The following ARSF variants were observed in gnomAD, a reference collection of about 807,000 sequenced individuals.
The protein encoded by ARSF is arylsulfatase F.
A neutral mutation model predicts 35.4 loss-of-function variants in ARSF; 33 were observed. That is an observed-to-expected ratio of 0.93 (90% confidence interval 0.71 to 1.25). ARSF has a LOEUF of 1.25. Ranked by LOEUF, ARSF falls within the 50% of genes most tolerant of loss-of-function variation. The probability of loss-of-function intolerance (pLI) is 0.00; values close to 1 mark genes in which losing one functional copy is unlikely to be tolerated. For synonymous variants in ARSF, 222 were observed against 193.1 expected, an observed-to-expected ratio of 1.15 and a Z score of -1.24; for missense variants, 501 against 480.2, an observed-to-expected ratio of 1.04 and a Z score of -0.40.
In ARSF at chrX:3,081,004, G is replaced by T. The variant is rs375328193; in HGVS notation, c.397G>T (p.Gly133Trp). The T allele has an allele frequency of 7.4e-6, 9 of 1,208,435 alleles. No homozygotes were observed. In the African/African-American group the frequency reaches 1.6e-4, roughly 21 times the overall value. Reference sequence around the variant, plus strand: ...GCTAAAGAAGCAAGGATACAGCACGGGGCTTATAGGTAAGACACAAGAATT... The same window carrying T: ...GCTAAAGAAGCAAGGATACAGCACGTGGCTTATAGGTAAGACACAAGAATT... ...ALLKKQGYST[G>W]LIGKWHQGLN... Residue 133 changes from glycine to tryptophan, a missense_variant, in exon 5 of 11, where the codon GGG becomes TGG. Gly to Trp is a radical substitution (Grantham distance 184). Transcript: ENST00000381127.
Position 3,110,137 on chromosome X carries a change from C to T in ARSF, c.1275C>T (p.Asp425=), listed in dbSNP as rs138819492. The part of the protein sequence containing the change: ...GGSLPQDRVI[D]GRDLMPLLQG... ...GTCTGTGTCTCTGCAGGGTCATTGA[C>T]GGCCGAGACCTCATGCCCTTGCTGC... The change falls in exon 10 of 11, where the codon GAC becomes GAT. Residue 425 remains aspartate, a synonymous_variant. Transcript: ENST00000381127. The T allele has an allele frequency of 1.7e-5, 20 of 1,182,015 alleles. No individual in the cohort carries two copies. The highest frequency in any genetic ancestry group is 1.5e-4 in the East Asian group (5 of 32,893).
chrX:3,040,631 T>G (rs1427098136), upstream of ARSF, among the ~76,000 whole-genome samples: 1 of 109,570 alleles, frequency 9.1e-6, no homozygotes, highest in Middle Eastern at 4.3e-3. Flanking sequence ...AGAAAGGGAG[T>G]TTTGCTCCTC....
At chrX:3,040,600 C>G (rs1295813484), upstream of ARSF, among the ~76,000 whole-genome samples, 1 of 111,030 alleles carries the variant, frequency 9.0e-6, no homozygotes, top group Non-Finnish European at 1.9e-5. Context: ...AAACGAGAGG[C>G]TGACCTCCTC....
chrX:3,110,935 A>G (rs2090440903), intron 10 of ARSF, among the ~76,000 whole-genome samples: 1 of 112,195 alleles, frequency 8.9e-6, no homozygotes, highest in Non-Finnish European at 1.9e-5. Flanking sequence ...ATACATTTTT[A>G]GAAACAGGAC....
intron 1 of ARSF, among the ~76,000 whole-genome samples, chrX:3,047,609 A>G (rs1288532116): frequency 1.8e-5 from 2 of 110,877 alleles, no homozygotes; most frequent in African/African-American, 6.6e-5. Context: ...GTTTTTCCTG[A>G]GGAAATGGCC....
At chrX:3,041,934 G>C (rs2089957396) in intron 1 of ARSF, among the ~76,000 whole-genome samples, 1 of 112,124 alleles carries the variant, frequency 8.9e-6, no homozygotes, top group Admixed American at 9.6e-5. Context: ...TGGTACGATA[G>C]TATTAGAAAT....
At position 3,103,669 on chromosome X, in the gene ARSF, C is replaced by G. The variant is rs2090394185; in HGVS notation, c.1103-93C>G. 3 of 1,047,731 alleles carry G rather than the reference C, an allele frequency of 2.9e-6. No individual in the cohort carries two copies. In the Admixed American group the frequency reaches 7.3e-5, roughly 26 times the overall value. 86.3% of individuals were successfully genotyped at this position (1,047,731 alleles called of 1,213,427 possible). ...AGAGTAGACACTATACAAATGTGATCTCTTTTGATACTAGCTTACCTTTTA... is the reference window on the plus strand; with the variant it reads ...AGAGTAGACACTATACAAATGTGATGTCTTTTGATACTAGCTTACCTTTTA... On this transcript the variant is annotated intron_variant, in intron 8 of 10. Coordinates refer to ENST00000381127, the MANE Select transcript of ARSF (RefSeq NM_001201539.2).
At chrX:3,069,282 T>C (rs1176425632) in intron 2 of ARSF, among the ~76,000 whole-genome samples, 1 of 111,423 alleles carries the variant, frequency 9.0e-6, no homozygotes, top group Non-Finnish European at 1.9e-5. Flanking sequence ...TTTATTTATT[T>C]ATTTTTTTGC....
Position 3,098,580 on chromosome X carries a change from T to C in ARSF, c.968-2507T>C, listed in dbSNP as rs1486330345. On this transcript the variant is annotated intron_variant, in intron 7 of 10. Coordinates refer to ENST00000381127, the MANE Select transcript of ARSF (RefSeq NM_001201539.2). ...TAAGGGGAAACTCCTTTTGCTTGGC[T>C]CTCATTCTCTCATGTCTGCCACCGT... is the stretch of plus-strand genomic sequence containing the variant. Among the ~76,000 whole-genome samples, 2 of 110,842 alleles carry C rather than the reference T, an allele frequency of 1.8e-5. 1 individual carries two copies. Among genetic ancestry groups the C allele is most frequent in the Non-Finnish European group, 3.8e-5 (2 of 52,958 alleles).
chrX:3,067,233 G>C (rs1412638048), intron 1 of ARSF, among the ~76,000 whole-genome samples: 3 of 109,942 alleles, frequency 2.7e-5, no homozygotes, highest in Non-Finnish European at 5.7e-5. Flanking sequence ...AATTTAAGGA[G>C]GAATGCGTTT....
intron 6 of ARSF, 102 bp from the exon 7 acceptor site, chrX:3,089,394 G>T: frequency 1.0e-6 from 1 of 970,096 alleles, no homozygotes. Flanking sequence ...TCTGCAGCTT[G>T]GAGAAGAAGG....
intron 1 of ARSF, among the ~76,000 whole-genome samples, chrX:3,042,472 A>G (rs1194927213): frequency 8.9e-6 from 1 of 111,758 alleles, no homozygotes; most frequent in African/African-American, 3.2e-5. Context: ...TTCAAAGCTA[A>G]GTTATTTTCA....
At chrX:3,102,809 G>A (rs5939447) in intron 8 of ARSF, among the ~76,000 whole-genome samples, 15,672 of 109,787 alleles carry the variant, frequency 0.14, 884 homozygotes, top group Middle Eastern at 0.22. Context: ...CTACTCAGGA[G>A]GCTGAGGCAG....
chrX:3,081,630 C>G (rs1243044621), intron 5 of ARSF, among the ~76,000 whole-genome samples: 1 of 111,932 alleles, frequency 8.9e-6, no homozygotes, highest in African/African-American at 3.2e-5. Flanking sequence ...AGCCACCACA[C>G]CTAGTCTGAT....
chrX:3,042,398 C>G (rs758839200), intron 1 of ARSF, among the ~76,000 whole-genome samples: 1 of 111,477 alleles, frequency 9.0e-6, no homozygotes, highest in African/African-American at 3.2e-5. Flanking sequence ...CACTAAATGT[C>G]TGGGCCATTT....
At chrX:3,042,175 A>T (rs12391596) in intron 1 of ARSF, among the ~76,000 whole-genome samples, 3,186 of 111,835 alleles carry the variant, frequency 0.028, 132 homozygotes, top group African/African-American at 0.098. Flanking sequence ...TTATCAGTAA[A>T]ATATATATAT....
At chrX:3,041,047 C>G (rs765373471), upstream of ARSF, among the ~76,000 whole-genome samples, 1 of 111,008 alleles carries the variant, frequency 9.0e-6, no homozygotes, top group African/African-American at 3.3e-5. Context: ...TCTCTGGTTC[C>G]TCTACTTGCA....
intron 9 of ARSF, among the ~76,000 whole-genome samples, chrX:3,108,323 T>A (rs1290602287): frequency 8.9e-6 from 1 of 112,317 alleles, no homozygotes; most frequent in Non-Finnish European, 1.9e-5. Flanking sequence ...AGTTTCTTCC[T>A]TTCAACATAA....
chrX:3,083,321 ATC>A (rs1305993830), intron 5 of ARSF, among the ~76,000 whole-genome samples: 2 of 110,742 alleles, frequency 1.8e-5, no homozygotes, highest in Non-Finnish European at 3.8e-5. Context: ...ATCATATCCC[ATC>A]TGTCTATTCA....
Sources: allele counts gnomAD v4.1 joint callset (sites outside exome capture counted in the v4.1 genomes callset), GRCh38; gene constraint gnomAD v4.1.1; transcripts MANE v1.5; gene names NCBI Gene and HGNC (gene_info 2026-07-23, HGNC 2026-07-21).